Variants in FKBP5 observed in about 807,000 individuals in gnomAD.
The protein encoded by FKBP5 is peptidyl-prolyl cis-trans isomerase FKBP5.
FKBP5 carries 23 observed loss-of-function variants against 50.5 expected under a neutral mutation model. The ratio of observed to expected loss-of-function variants is 0.46; its 90% CI spans 0.33 to 0.65. The LOEUF (loss-of-function observed/expected upper bound fraction) is 0.65, where lower values mean the gene tolerates loss of function less well. Ranked by LOEUF, FKBP5 falls within the 30% of genes least tolerant of loss-of-function variation. The pLI, the probability that FKBP5 is intolerant of heterozygous loss-of-function variation, is 0.02. For synonymous variants in FKBP5, 176 were observed against 190.6 expected, an observed-to-expected ratio of 0.92 and a Z score of 0.63; for missense variants, 411 against 553.1, an observed-to-expected ratio of 0.74 and a Z score of 2.58.
chr6:35,620,189 T>C lies in FKBP5; in HGVS notation c.336A>G (p.Ala112=). ...ICHLLCKPEY[A]YGSAGSLPKI... The stretch of plus-strand genomic sequence containing the variant: ...TAGGGAGACTGCCAGCCGAGCCATA[T>C]GCATATTCTGGTTTGCACAGTAAAT... The change falls in exon 4 of 11, where the codon GCA becomes GCG. Residue 112 remains alanine (A), a synonymous_variant. Transcript: ENST00000357266. The C allele has an allele frequency of 3.1e-6, 5 of 1,614,210 alleles. No individual in the cohort carries two copies. The highest frequency in any genetic ancestry group is 4.2e-6 in the Non-Finnish European group (5 of 1,180,034).
chr6:35,634,134 A>T (rs1764240936), intron 3 of FKBP5, among the ~76,000 whole-genome samples: 1 of 152,182 alleles, frequency 6.6e-6, no homozygotes, highest in Non-Finnish European at 1.5e-5. Flanking sequence ...TCTGCTCACC[A>T]AGATAACTGC....
At chr6:35,702,549 T>G (rs2151019116) in intron 2 of FKBP5, among the ~76,000 whole-genome samples, 1 of 151,832 alleles carries the variant, frequency 6.6e-6, no homozygotes, top group South Asian at 2.1e-4. Flanking sequence ...ACCTCCTGGA[T>G]TCACGCCATT....
Position 35,575,868 on chromosome 6 carries a change from T to G in FKBP5, c.1341A>C (p.Ala447=). 3 of 1,614,100 alleles carry G rather than the reference T, an allele frequency of 1.9e-6. No individual in the cohort carries two copies. The highest frequency in any genetic ancestry group is 1.7e-6 in the Non-Finnish European group (2 of 1,179,938). ...GGCCCTCAGGTTTCTCTTCTTCCAT[T>G]GCTTGACTGTCTGTTCCTTTTTCAT... is the stretch of plus-strand genomic sequence containing the variant. ...VTNEKGTDSQ[A]MEEEKPEGHV Residue 447 remains alanine (A), a synonymous_variant, in exon 11 of 11, where the codon GCA becomes GCC. Transcript: ENST00000357266.
At chr6:35,619,359 AGTAGC>A in intron 4 of FKBP5, 149 bp from the exon 5 acceptor site, 2 of 549,148 alleles carry the variant, frequency 3.6e-6, no homozygotes, top group Non-Finnish European at 6.4e-6. Flanking sequence ...TTATTGGAAA[AGTAGC>A]AAAAAAAAAA....
intron 2 of FKBP5, among the ~76,000 whole-genome samples, chr6:35,713,213 G>C (rs958653429): frequency 6.6e-6 from 1 of 151,886 alleles, no homozygotes; most frequent in Non-Finnish European, 1.5e-5. Context: ...GGCATGTGGT[G>C]AGTGAGGAGG....
intron 3 of FKBP5, among the ~76,000 whole-genome samples, chr6:35,624,016 T>C (rs922115077): frequency 3.3e-5 from 5 of 152,046 alleles, no homozygotes; most frequent in Non-Finnish European, 7.4e-5. Context: ...TTTTCCTTTT[T>C]AAGAGACAGG....
chr6:35,643,778 G>A (rs971792218), intron 1 of FKBP5, among the ~76,000 whole-genome samples: 1 of 152,002 alleles, frequency 6.6e-6, no homozygotes, highest in East Asian at 1.9e-4. Flanking sequence ...GCCCTTTTAC[G>A]TACTTCCTTA....
rs183509823 is a variant in FKBP5, at chr6:35,595,160, T to A, written c.665+2088A>T. ...CCTTGGCCAAGCGCACAGAGCAAAG[T>A]GTAACCACTAATGATACAACAAACA... On this transcript the variant is annotated intron_variant, in intron 6 of 10. Transcript: ENST00000357266. Among the ~76,000 whole-genome samples, 6 of 152,336 alleles carry A rather than the reference T, an allele frequency of 3.9e-5. No homozygotes were observed. The East Asian group carries it at 1.2e-3, about 29-fold the overall frequency.
At chr6:35,709,338 A>G (rs985891635) in intron 2 of FKBP5, among the ~76,000 whole-genome samples, 1 of 152,216 alleles carries the variant, frequency 6.6e-6, no homozygotes, top group Non-Finnish European at 1.5e-5. Flanking sequence ...ACCATATCAC[A>G]TATAATGATG....
chr6:35,645,673 T>C (rs1232606701), intron 1 of FKBP5, among the ~76,000 whole-genome samples: 2 of 152,236 alleles, frequency 1.3e-5, no homozygotes, highest in Admixed American at 1.3e-4. Flanking sequence ...AATATCCTTG[T>C]TCATAGGAGA....
At chr6:35,607,239 G>C (rs1763351136) in intron 5 of FKBP5, among the ~76,000 whole-genome samples, 1 of 151,510 alleles carries the variant, frequency 6.6e-6, no homozygotes, top group South Asian at 2.1e-4. Context: ...CGCCCAGCCT[G>C]TTTTGTTTTG....
At chr6:35,606,880 A>T (rs536433225) in intron 5 of FKBP5, among the ~76,000 whole-genome samples, 1 of 152,236 alleles carries the variant, frequency 6.6e-6, no homozygotes, top group East Asian at 1.9e-4. Flanking sequence ...AAGGAAAATA[A>T]ATCGTTCTAT....
At chr6:35,712,553 A>G (rs1361948502) in intron 2 of FKBP5, among the ~76,000 whole-genome samples, 1 of 152,090 alleles carries the variant, frequency 6.6e-6, no homozygotes, top group Non-Finnish European at 1.5e-5. Context: ...TTTGTTTTGT[A>G]AGCCAGTTCT....
At chr6:35,658,004 G>A (rs796572791) in intron 1 of FKBP5, among the ~76,000 whole-genome samples, 2 of 151,680 alleles carry the variant, frequency 1.3e-5, no homozygotes, top group African/African-American at 4.8e-5. Context: ...GCTGAGGCAG[G>A]CAGATCACGA....
At chr6:35,618,763 C>T (rs1318127349) in intron 5 of FKBP5, among the ~76,000 whole-genome samples, 1 of 152,106 alleles carries the variant, frequency 6.6e-6, no homozygotes, top group African/African-American at 2.4e-5. Context: ...AGCACCATCT[C>T]GACTCACTGC....
At chr6:35,682,484 T>A (rs1429979907) in intron 1 of FKBP5, among the ~76,000 whole-genome samples, 1 of 152,194 alleles carries the variant, frequency 6.6e-6, no homozygotes, top group African/African-American at 2.4e-5. Context: ...AGTACAAATC[T>A]AACTTTTGAA....
chr6:35,671,903 CTG>C, intron 1 of FKBP5, among the ~76,000 whole-genome samples: 1 of 151,904 alleles, frequency 6.6e-6, no homozygotes, highest in African/African-American at 2.4e-5. Flanking sequence ...GAGTCTCACT[CTG>C]TCGTCTAGGC....
intron 1 of FKBP5, among the ~76,000 whole-genome samples, chr6:35,724,208 CA>C (rs1018521439): frequency 1.4e-4 from 22 of 152,168 alleles, no homozygotes; most frequent in African/African-American, 5.3e-4. Flanking sequence ...CCCTGGAACC[CA>C]GGCTCAGCCC....
chr6:35,632,027 G>A (rs1463082137), intron 3 of FKBP5, among the ~76,000 whole-genome samples: 2 of 150,738 alleles, frequency 1.3e-5, no homozygotes, highest in African/African-American at 4.9e-5. Flanking sequence ...TTCCATTTTA[G>A]TGAAAATATA....
Sources: gnomAD v4.1 joint callset for allele counts (sites outside exome capture counted in the v4.1 genomes callset) on GRCh38, gnomAD v4.1.1 for gene constraint, MANE v1.5 for transcripts, NCBI Gene and HGNC (gene_info 2026-07-23, HGNC 2026-07-21) for gene names.